Variants in CDH4 observed in about 807,000 individuals in gnomAD.
The protein encoded by CDH4 is cadherin-4.
A neutral mutation model predicts 86.0 loss-of-function variants in CDH4; 33 were observed. The ratio of observed to expected loss-of-function variants is 0.38; its 90% CI spans 0.29 to 0.51. The LOEUF is 0.51. Among genes scored for constraint, CDH4 ranks in the 20% least tolerant of loss-of-function variants. The pLI, the probability that CDH4 is intolerant of heterozygous loss-of-function variation, is 0.86. For missense variants in CDH4, 1,114 were observed against 1,307.4 expected (o/e 0.85, Z 2.28); for synonymous variants, 555 against 549.4 (o/e 1.01, Z -0.14).
chr20:61,852,414 C>T (rs1982767739), intron 5 of CDH4, among the ~76,000 whole-genome samples: 1 of 152,266 alleles, frequency 6.6e-6, no homozygotes, highest in Non-Finnish European at 1.5e-5. Context: ...GGGCACCTGT[C>T]CTGCTCCAGA....
At chr20:61,669,369 A>G (rs942615195) in intron 2 of CDH4, among the ~76,000 whole-genome samples, 3 of 152,310 alleles carry the variant, frequency 2.0e-5, no homozygotes, top group East Asian at 1.9e-4. Context: ...CGGGATGGGA[A>G]TGGGAGCCTG....
rs2085497504 is a variant in CDH4, at chr20:61,470,753, G to T, written c.169+215816G>T. Among the ~76,000 whole-genome samples, 3 of 152,066 alleles carry T rather than the reference G, an allele frequency of 2.0e-5. No homozygotes were observed. In the South Asian group the frequency reaches 6.2e-4, roughly 32 times the overall value. On this transcript the variant is annotated intron_variant, in intron 2 of 15. Transcript: ENST00000614565. ...TGAGCATTTTTCTTAATCATGAAGG[G>T]ATGTTGGTTTTTATCAATTGCTTTT...
intron 4 of CDH4, among the ~76,000 whole-genome samples, chr20:61,822,465 G>A (rs1981094547): frequency 6.6e-6 from 1 of 152,222 alleles, no homozygotes; most frequent in Non-Finnish European, 1.5e-5. Flanking sequence ...TTCCCAGGGT[G>A]TCTGAGGCAG....
intron 2 of CDH4, among the ~76,000 whole-genome samples, chr20:61,695,348 G>A (rs1211147846): frequency 1.8e-4 from 28 of 152,188 alleles, no homozygotes; most frequent in Admixed American, 1.7e-3. Context: ...GCTGCTGTGG[G>A]TATCAGATGT....
intron 2 of CDH4, among the ~76,000 whole-genome samples, chr20:61,575,251 T>G (rs1389491571): frequency 6.6e-6 from 1 of 152,196 alleles, no homozygotes; most frequent in Non-Finnish European, 1.5e-5. Flanking sequence ...GGCAGCAAGC[T>G]GGCAACGACA....
intron 2 of CDH4, among the ~76,000 whole-genome samples, chr20:61,685,539 C>T (rs147731383): frequency 6.6e-6 from 1 of 152,398 alleles, no homozygotes; most frequent in Non-Finnish European, 1.5e-5. Context: ...GGCCGCTCCT[C>T]GGCCCCACCA....
chr20:61,872,675 C>G (rs1307308567), intron 6 of CDH4, among the ~76,000 whole-genome samples: 3 of 152,246 alleles, frequency 2.0e-5, no homozygotes, highest in Non-Finnish European at 4.4e-5. Context: ...AGGCAGCCAG[C>G]AGGGCAAGCT....
At chr20:61,654,056 T>C (rs1296321082) in intron 2 of CDH4, among the ~76,000 whole-genome samples, 1 of 151,834 alleles carries the variant, frequency 6.6e-6, no homozygotes, top group Non-Finnish European at 1.5e-5. Flanking sequence ...CTTGGCACTT[T>C]GGGAGGCCAA....
intron 7 of CDH4, among the ~76,000 whole-genome samples, chr20:61,891,171 C>G (rs371593713): frequency 6.6e-6 from 1 of 151,880 alleles, no homozygotes; most frequent in Non-Finnish European, 1.5e-5. Context: ...GTTGGGGTAA[C>G]GAGGGAGGGG....
intron 2 of CDH4, among the ~76,000 whole-genome samples, chr20:61,508,814 AATG>A (rs2085759697): frequency 6.6e-6 from 1 of 152,196 alleles, no homozygotes; most frequent in Admixed American, 6.5e-5. Flanking sequence ...GCTGGACAAA[AATG>A]ATGCTAACTT....
At chr20:61,860,103 T>A (rs1335410332) in intron 6 of CDH4, among the ~76,000 whole-genome samples, 2 of 152,250 alleles carry the variant, frequency 1.3e-5, no homozygotes, top group African/African-American at 4.8e-5. Flanking sequence ...AGTGACGCTG[T>A]CATTGACAGT....
intron 2 of CDH4, among the ~76,000 whole-genome samples, chr20:61,502,033 T>C (rs1208699129): frequency 6.6e-6 from 1 of 150,910 alleles, no homozygotes; most frequent in East Asian, 1.9e-4. Flanking sequence ...CCAAGACTGA[T>C]GGCATTGCAT....
intron 2 of CDH4, among the ~76,000 whole-genome samples, chr20:61,306,415 G>A (rs1028887669): frequency 6.6e-6 from 1 of 151,850 alleles, no homozygotes; most frequent in Non-Finnish European, 1.5e-5. Context: ...TCGGCTCACT[G>A]CAACCTCCGC....
At chr20:61,851,314 G>A (rs375500878) in intron 5 of CDH4, among the ~76,000 whole-genome samples, 1 of 152,212 alleles carries the variant, frequency 6.6e-6, no homozygotes, top group East Asian at 1.9e-4. Flanking sequence ...AACACACAAT[G>A]TAGGGGGTAA....
chr20:61,310,146 A>C (rs549725641), intron 2 of CDH4, among the ~76,000 whole-genome samples: 2 of 152,324 alleles, frequency 1.3e-5, no homozygotes, highest in Admixed American at 1.3e-4. Context: ...ACCTGGAACC[A>C]GCCCAGAGCC....
rs2086268610 is a variant in CDH4, at chr20:61,565,222, AGG to A, written c.170-178340_170-178339del. Among the ~76,000 whole-genome samples the A allele has an allele frequency of 1.1e-3, 12 of 10,708 alleles. 2 individuals carry two copies. The highest frequency in any genetic ancestry group is 3.0e-3 in the South Asian group (1 of 330). 7.0% of individuals were successfully genotyped at this position (10,708 alleles called of 152,430 possible). A position where few individuals can be genotyped will look rare whatever the true frequency, so the allele number is the denominator to read the frequency against. ...TGGTGGTCGCGGTGCTCTCGGTGGTAGGTGGTGGTGGTGGTGGTGGCGGTGCT... is the reference window on the plus strand; with the variant it reads ...TGGTGGTCGCGGTGCTCTCGGTGGTATGGTGGTGGTGGTGGTGGCGGTGCT... On this transcript the variant is annotated intron_variant, in intron 2 of 15. Transcript: ENST00000614565.
At chr20:61,611,212 T>C (rs2086682881) in intron 2 of CDH4, among the ~76,000 whole-genome samples, 1 of 151,846 alleles carries the variant, frequency 6.6e-6, no homozygotes, top group African/African-American at 2.4e-5. Context: ...GCCCCTTTCC[T>C]TCCTCTCCCT....
intron 2 of CDH4, among the ~76,000 whole-genome samples, chr20:61,350,773 C>T (rs529064712): frequency 1.3e-5 from 2 of 152,278 alleles, no homozygotes; most frequent in Admixed American, 6.5e-5. Context: ...GTGTTGTGAG[C>T]GGAAAATTGC....
intron 2 of CDH4, among the ~76,000 whole-genome samples, chr20:61,398,496 G>T (rs1237696063): frequency 6.6e-6 from 1 of 152,232 alleles, no homozygotes; most frequent in East Asian, 1.9e-4. Context: ...GAAATCTGCA[G>T]AGCAGGCTGA....
Sources: allele counts gnomAD v4.1 joint callset (sites outside exome capture counted in the v4.1 genomes callset), GRCh38; gene constraint gnomAD v4.1.1; transcripts MANE v1.5; gene names NCBI Gene and HGNC (gene_info 2026-07-23, HGNC 2026-07-21).